Variants in PCDHA8 observed in about 807,000 individuals in gnomAD.
PCDHA8 encodes protocadherin alpha-8.
In PCDHA8, 53 loss-of-function variants were observed where a neutral mutation model predicts 61.8. The observed-to-expected ratio is 0.86, with a 90% CI of 0.69 to 1.08. PCDHA8 has a LOEUF of 1.08. Ranked by LOEUF, PCDHA8 falls within the 50% of genes least tolerant of loss-of-function variation. The probability of loss-of-function intolerance (pLI) is 0.00; values close to 1 mark genes in which losing one functional copy is unlikely to be tolerated. For synonymous variants in PCDHA8, 618 were observed against 556.6 expected, an observed-to-expected ratio of 1.11 and a Z score of -1.55; for missense variants, 1,293 against 1,245.0, an observed-to-expected ratio of 1.04 and a Z score of -0.58.
intron 1 of PCDHA8, among the ~76,000 whole-genome samples, chr5:140,911,657 ACTC>A (rs782570659): frequency 1.1e-4 from 16 of 151,986 alleles, no homozygotes; most frequent in Non-Finnish European, 1.6e-4. Flanking sequence ...GAGTTACTAA[ACTC>A]CTTGCCTCTC....
chr5:140,861,521 G>T, intron 1 of PCDHA8: 1 of 460,572 alleles, frequency 2.2e-6, no homozygotes, highest in Non-Finnish European at 4.5e-6. Flanking sequence ...TGTGTGGGAG[G>T]ATCTCGGAGT....
rs202184948 is a variant in PCDHA8 at position 140,888,065 on chromosome 5, T to C, written c.2394+44350T>C. 4.6e-5 allele frequency among the ~76,000 whole-genome samples: 7 copies of C among 152,338 alleles called. No homozygotes were observed. The East Asian group carries it at 5.8e-4, about 13-fold the overall frequency. On this transcript the variant is annotated intron_variant, in intron 1 of 3. Transcript: ENST00000531613. Reference sequence around the variant, plus strand: ...TATAATAGATGTTTTAACTTTCTTGTCTGCTAATTTCAACATTTTTGTCCT... The same window carrying C: ...TATAATAGATGTTTTAACTTTCTTGCCTGCTAATTTCAACATTTTTGTCCT...
chr5:140,927,484 A>G (rs1554204601), intron 1 of PCDHA8: 2 of 1,613,906 alleles, frequency 1.2e-6, no homozygotes, highest in East Asian at 2.2e-5. Flanking sequence ...ACAGCGCGCC[A>G]CCCACCTGCT....
At chr5:140,882,607 T>C (rs1313419888) in intron 1 of PCDHA8, 35 of 1,614,242 alleles carry the variant, frequency 2.2e-5, no homozygotes, top group Non-Finnish European at 3.0e-5. Flanking sequence ...TGGACAGGCC[T>C]CTGCAGGTTT....
At chr5:140,869,521 C>T (rs782236624) in intron 1 of PCDHA8, 4 of 1,614,064 alleles carry the variant, frequency 2.5e-6, no homozygotes, top group Non-Finnish European at 2.5e-6. Flanking sequence ...AGAACAAAAG[C>T]TGCTGATTGC....
intron 1 of PCDHA8, among the ~76,000 whole-genome samples, chr5:140,905,301 C>T (rs1476283859): frequency 6.6e-6 from 1 of 152,182 alleles, no homozygotes; most frequent in Admixed American, 6.5e-5. Context: ...GGTGTCCTTT[C>T]CACACTTTGT....
At chr5:140,968,508 A>C (rs977964716) in intron 1 of PCDHA8, 1 of 1,613,950 alleles carries the variant, frequency 6.2e-7, no homozygotes, top group African/African-American at 1.3e-5. Context: ...CACATTCTGT[A>C]CCCTACCTCA....
intron 1 of PCDHA8, among the ~76,000 whole-genome samples, chr5:140,949,007 A>T (rs1300926078): frequency 6.6e-6 from 1 of 151,692 alleles, no homozygotes; most frequent in Non-Finnish European, 1.5e-5. Flanking sequence ...TAATTTTTAT[A>T]TGTGATGTTT....
At chr5:140,869,296 C>G (rs782726122) in intron 1 of PCDHA8, 2 of 1,613,602 alleles carry the variant, frequency 1.2e-6, no homozygotes, top group South Asian at 1.1e-5. Flanking sequence ...GCGCCTGTTC[C>G]GGGTGGCGTC....
At chr5:141,003,515 G>T (rs1402480495) in intron 3 of PCDHA8, among the ~76,000 whole-genome samples, 1 of 152,114 alleles carries the variant, frequency 6.6e-6, no homozygotes, top group African/African-American at 2.4e-5. Context: ...GTTTCACCAT[G>T]TTCCCTAGGC....
At chr5:140,911,866 T>A (rs139180139) in intron 1 of PCDHA8, among the ~76,000 whole-genome samples, 31 of 152,320 alleles carry the variant, frequency 2.0e-4, no homozygotes, top group Non-Finnish European at 4.3e-4. Context: ...TCTGTTCTTC[T>A]GGAACCACTC....
At chr5:141,000,410 TATATA>T in intron 3 of PCDHA8, among the ~76,000 whole-genome samples, 1 of 101,974 alleles carries the variant, frequency 9.8e-6, no homozygotes, top group African/African-American at 3.9e-5. Context: ...TATATATATA[TATATA>T]TATATATTTT....
At chr5:140,873,044 A>G (rs115529200) in intron 1 of PCDHA8, among the ~76,000 whole-genome samples, 15 of 152,172 alleles carry the variant, frequency 9.9e-5, no homozygotes, top group Non-Finnish European at 1.8e-4. Flanking sequence ...GAGTGGTGGT[A>G]TTACAGACTT....
intron 1 of PCDHA8, among the ~76,000 whole-genome samples, chr5:140,897,050 G>A (rs1269082503): frequency 6.6e-6 from 1 of 152,014 alleles, no homozygotes; most frequent in Non-Finnish European, 1.5e-5. Flanking sequence ...CTATTCTGCT[G>A]TCAAATACTA....
intron 3 of PCDHA8, among the ~76,000 whole-genome samples, chr5:141,006,862 A>G (rs1188678069): frequency 4.6e-5 from 7 of 152,244 alleles, no homozygotes; most frequent in Non-Finnish European, 1.0e-4. Flanking sequence ...TTAGAAAGGA[A>G]TAGATTCGAG....
intron 1 of PCDHA8, among the ~76,000 whole-genome samples, chr5:140,958,131 G>A (rs1164407997): frequency 3.9e-5 from 6 of 152,076 alleles, no homozygotes; most frequent in African/African-American, 1.4e-4. Context: ...AAATGTATCA[G>A]TGTGTATATT....
At chr5:140,930,169 A>G (rs1312219690) in intron 1 of PCDHA8, 1 of 152,184 alleles carries the variant, frequency 6.6e-6, no homozygotes, top group Non-Finnish European at 1.5e-5. Context: ...AATATTTTAC[A>G]AAGAGGAAAG....
intron 1 of PCDHA8, among the ~76,000 whole-genome samples, chr5:140,892,990 G>T (rs782084236): frequency 1.3e-5 from 2 of 152,164 alleles, no homozygotes; most frequent in African/African-American, 2.4e-5. Context: ...GTATAAGTGA[G>T]AACATGTATT....
At chr5:140,882,050 T>TA (rs1260382802) in intron 1 of PCDHA8, 7 of 756,632 alleles carry the variant, frequency 9.3e-6, no homozygotes, top group African/African-American at 3.5e-5. Context: ...GAGTCATACT[T>TA]ACACTTACAC....
Sources: allele counts gnomAD v4.1 joint callset (sites outside exome capture counted in the v4.1 genomes callset), GRCh38; gene constraint gnomAD v4.1.1; transcripts MANE v1.5; gene names NCBI Gene and HGNC (gene_info 2026-07-23, HGNC 2026-07-21).